The following RBFOX1 variants were observed in gnomAD, a reference collection of about 807,000 sequenced individuals.
RBFOX1 encodes RNA binding protein fox-1 homolog 1.
In RBFOX1, 8 loss-of-function variants were observed where a neutral mutation model predicts 57.7. The observed-to-expected ratio is 0.14, with a 90% CI of 0.08 to 0.25. The LOEUF is 0.25. RBFOX1 is among the 10% of genes least tolerant of loss of function. The pLI, the probability that RBFOX1 is intolerant of heterozygous loss-of-function variation, is 1.00. For missense variants in RBFOX1, 611 were observed against 548.5 expected, an observed-to-expected ratio of 1.11 and a Z score of -1.14; for synonymous variants, 326 against 222.4, an observed-to-expected ratio of 1.47 and a Z score of -4.15.
At chr16:7,656,094 T>G (rs1392127684) in intron 12 of RBFOX1, among the ~76,000 whole-genome samples, 1 of 152,202 alleles carries the variant, frequency 6.6e-6, no homozygotes, top group Non-Finnish European at 1.5e-5. Context: ...ACCTCCTTGC[T>G]GATAATAGTA....
intron 1 of RBFOX1, among the ~76,000 whole-genome samples, chr16:6,163,430 T>C (rs967298480): frequency 6.6e-6 from 1 of 152,368 alleles, no homozygotes; most frequent in Non-Finnish European, 1.5e-5. Context: ...AAGTTCATTG[T>C]TGTTATAGCC....
At chr16:7,699,629 TC>T (rs907702660) in intron 14 of RBFOX1, among the ~76,000 whole-genome samples, 3 of 152,196 alleles carry the variant, frequency 2.0e-5, no homozygotes, top group African/African-American at 7.2e-5. Flanking sequence ...ATGCTGGATT[TC>T]CAAAACTTAG....
At chr16:7,386,914 T>G (rs909211304) in intron 4 of RBFOX1, among the ~76,000 whole-genome samples, 4 of 152,156 alleles carry the variant, frequency 2.6e-5, no homozygotes, top group African/African-American at 9.7e-5. Context: ...TTTAATGATC[T>G]CCATTCTGAC....
At chr16:7,029,000 A>C (rs1233156410) in intron 3 of RBFOX1, among the ~76,000 whole-genome samples, 1 of 144,108 alleles carries the variant, frequency 6.9e-6, no homozygotes, top group African/African-American at 2.6e-5. Context: ...GATGAACTTA[A>C]CTAACGGTTT....
At chr16:7,707,961 C>T (rs1329100889) in intron 14 of RBFOX1, among the ~76,000 whole-genome samples, 4 of 152,130 alleles carry the variant, frequency 2.6e-5, no homozygotes, top group Non-Finnish European at 5.9e-5. Flanking sequence ...TAGCAGCATT[C>T]AAACTATCTC....
At chr16:7,499,149 G>C (rs1010946374) in intron 4 of RBFOX1, among the ~76,000 whole-genome samples, 3 of 152,148 alleles carry the variant, frequency 2.0e-5, no homozygotes, top group Non-Finnish European at 4.4e-5. Context: ...TGAAGTCTGA[G>C]ACAAAGGTGT....
intron 3 of RBFOX1, among the ~76,000 whole-genome samples, chr16:5,856,241 GTA>G (rs1445827230): frequency 1.0e-4 from 7 of 67,034 alleles, no homozygotes; most frequent in African/African-American, 3.8e-4. Flanking sequence ...ATATATATGT[GTA>G]TATATATGTA....
chr16:7,485,811 C>T (rs556441825), intron 4 of RBFOX1, among the ~76,000 whole-genome samples: 1 of 152,288 alleles, frequency 6.6e-6, no homozygotes, highest in South Asian at 2.1e-4. Context: ...TCCGAGTCCA[C>T]TTGGCATTTG....
At chr16:6,940,245 A>G (rs1420904688) in intron 3 of RBFOX1, among the ~76,000 whole-genome samples, 1 of 152,146 alleles carries the variant, frequency 6.6e-6, no homozygotes, top group Non-Finnish European at 1.5e-5. Flanking sequence ...ACCTCTGGCT[A>G]TCAGAGGGGC....
intron 4 of RBFOX1, among the ~76,000 whole-genome samples, chr16:7,408,986 C>T (rs568552770): frequency 6.6e-6 from 1 of 152,158 alleles, no homozygotes; most frequent in Non-Finnish European, 1.5e-5. Flanking sequence ...TTTTGCATCC[C>T]CGCCCGTCAA....
At chr16:6,236,239 A>T (rs906752453) in intron 1 of RBFOX1, among the ~76,000 whole-genome samples, 5 of 152,138 alleles carry the variant, frequency 3.3e-5, no homozygotes, top group African/African-American at 1.2e-4. Flanking sequence ...CCCTGATTGA[A>T]TTCAAATCCT....
At chr16:7,287,627 G>A (rs1436916643) in intron 4 of RBFOX1, among the ~76,000 whole-genome samples, 8 of 152,222 alleles carry the variant, frequency 5.3e-5, no homozygotes, top group Admixed American at 5.2e-4. Context: ...AGTACTTCAC[G>A]CTCATTATTA....
At chr16:5,603,611 C>G (rs17138197), downstream of RBFOX1, among the ~76,000 whole-genome samples, 3 of 152,114 alleles carry the variant, frequency 2.0e-5, no homozygotes, top group East Asian at 5.8e-4. Context: ...TTCTGCCCCT[C>G]GATACATCAA....
intron 3 of RBFOX1, among the ~76,000 whole-genome samples, chr16:6,746,605 G>A (rs1301988365): frequency 1.3e-5 from 2 of 151,976 alleles, no homozygotes; most frequent in African/African-American, 2.4e-5. Flanking sequence ...CTGAACCTGG[G>A]AAGTTGAGGC....
At chr16:5,318,053 A>G (rs1378571455) in intron 1 of RBFOX1, among the ~76,000 whole-genome samples, 1 of 152,192 alleles carries the variant, frequency 6.6e-6, no homozygotes, top group Non-Finnish European at 1.5e-5. Context: ...TGGAAGTGAA[A>G]GAGTGGATGT....
intron 3 of RBFOX1, among the ~76,000 whole-genome samples, chr16:6,664,551 C>G (rs1306106532): frequency 6.6e-6 from 1 of 152,154 alleles, no homozygotes; most frequent in Non-Finnish European, 1.5e-5. Context: ...TGTCCTTTTT[C>G]TCTGCTGAGA....
At chr16:6,672,189 A>T (rs1173159320) in intron 3 of RBFOX1, among the ~76,000 whole-genome samples, 1 of 152,220 alleles carries the variant, frequency 6.6e-6, no homozygotes, top group Non-Finnish European at 1.5e-5. Flanking sequence ...TCTATTTATG[A>T]GCTTTTGGAA....
chr16:7,086,592 T>C (rs2060013198), intron 4 of RBFOX1, among the ~76,000 whole-genome samples: 1 of 152,176 alleles, frequency 6.6e-6, no homozygotes, highest in Non-Finnish European at 1.5e-5. Context: ...ATGGATACTT[T>C]CAGGAAATCT....
intron 3 of RBFOX1, among the ~76,000 whole-genome samples, chr16:5,690,421 C>G (rs1251553683): frequency 6.6e-6 from 1 of 152,142 alleles, no homozygotes; most frequent in Non-Finnish European, 1.5e-5. Context: ...GTTTACAGCT[C>G]TACAAACAGG....
Sources: gnomAD v4.1 joint callset for allele counts (sites outside exome capture counted in the v4.1 genomes callset) on GRCh38, gnomAD v4.1.1 for gene constraint, MANE v1.5 for transcripts, NCBI Gene and HGNC (gene_info 2026-07-23, HGNC 2026-07-21) for gene names.